Variants in HLA-DRB5 observed in about 807,000 individuals in gnomAD.
HLA-DRB5 encodes the protein major histocompatibility complex, class II, DR beta 5, also known as DR beta-5.
HLA-DRB5 carries 11 observed loss-of-function variants against 22.4 expected under a neutral mutation model. The observed-to-expected ratio is 0.49, with a 90% CI of 0.31 to 0.81. The LOEUF (loss-of-function observed/expected upper bound fraction) is 0.81. HLA-DRB5 is among the 40% of genes least tolerant of loss of function. The pLI is 0.05. For synonymous variants in HLA-DRB5, 57 were observed against 106.0 expected, an observed-to-expected ratio of 0.54 and a Z score of 2.84; for missense variants, 106 against 274.4, an observed-to-expected ratio of 0.39 and a Z score of 4.34.
intron 1 of HLA-DRB5, among the ~76,000 whole-genome samples, chr6:32,529,237 A>T (rs879554263): frequency 9.2e-6 from 1 of 108,874 alleles, no homozygotes; most frequent in Non-Finnish European, 1.9e-5. Context: ...CAGAGTATAT[A>T]GTTTTAACCT....
At chr6:32,523,892 T>TC (rs1192758390) in intron 1 of HLA-DRB5, among the ~76,000 whole-genome samples, 1 of 125,336 alleles carries the variant, frequency 8.0e-6, no homozygotes, top group Non-Finnish European at 1.7e-5. Context: ...TCCAGATAAT[T>TC]CTTTGTTGGT....
chr6:32,528,230 C>G (rs1008014728), intron 1 of HLA-DRB5, among the ~76,000 whole-genome samples: 25,655 of 88,850 alleles, frequency 0.29, 878 homozygotes, highest in Admixed American at 0.34. Context: ...CTCTCTTTTC[C>G]ACAAACCTGA....
At chr6:32,527,050 T>G (rs1255433986) in intron 1 of HLA-DRB5, among the ~76,000 whole-genome samples, 578 of 19,604 alleles carry the variant, frequency 0.029, 49 homozygotes, top group Middle Eastern at 0.071. Flanking sequence ...ATTAACAAGG[T>G]AAGCAAAATC....
chr6:32,524,485 T>C (rs73726198), intron 1 of HLA-DRB5, among the ~76,000 whole-genome samples: 39,276 of 75,344 alleles, frequency 0.52, 12,806 homozygotes, highest in Middle Eastern at 0.7. Context: ...TGGCCAGAGA[T>C]AGAACTCTTG....
intron 2 of HLA-DRB5, among the ~76,000 whole-genome samples, chr6:32,521,306 A>G (rs112428690): frequency 0.012 from 1,201 of 101,822 alleles, no homozygotes; most frequent in East Asian, 0.016. Flanking sequence ...AACAGAAAAA[A>G]TAGCAAGAAA....
intron 1 of HLA-DRB5, among the ~76,000 whole-genome samples, chr6:32,525,602 T>G (rs201104378): frequency 0.79 from 69,993 of 88,966 alleles, 29,604 homozygotes; most frequent in Middle Eastern, 0.86. Flanking sequence ...ATAGAAGAAA[T>G]GGACTTTCTA....
intron 2 of HLA-DRB5, among the ~76,000 whole-genome samples, chr6:32,520,043 C>T (rs796105724): frequency 0.014 from 453 of 31,426 alleles, 12 homozygotes; most frequent in Middle Eastern, 0.068. Flanking sequence ...CTTTCTCACC[C>T]ATAATAGAGG....
chr6:32,523,929 G>A (rs1769273595), intron 1 of HLA-DRB5, among the ~76,000 whole-genome samples: 1 of 123,752 alleles, frequency 8.1e-6, no homozygotes, highest in African/African-American at 2.8e-5. Flanking sequence ...AACATTGTAG[G>A]TTCTCTAGCA....
At chr6:32,528,125 T>C (rs796492013) in intron 1 of HLA-DRB5, among the ~76,000 whole-genome samples, 1,518 of 38,292 alleles carry the variant, frequency 0.04, 38 homozygotes, top group Admixed American at 0.054. Context: ...CCCTTAGATC[T>C]TCACGACTGT....
chr6:32,529,300 A>G (rs1303867274), intron 1 of HLA-DRB5, among the ~76,000 whole-genome samples: 1 of 85,106 alleles, frequency 1.2e-5, no homozygotes, highest in Admixed American at 1.4e-4. Context: ...AGAATTTCAT[A>G]TAATTTGTCC....
rs1364572014 is a variant in HLA-DRB5 at position 32,522,359 on chromosome 6, T to C, written c.101-185A>G. Among the ~76,000 whole-genome samples, 77 of 29,766 alleles carry C rather than the reference T, an allele frequency of 2.6e-3. 1 individual carries two copies. Among genetic ancestry groups the C allele is most frequent in the Admixed American group, 4.6e-3 (10 of 2,190 alleles). The allele number at this position is 29,766 out of a possible 152,430, so 19.5% of individuals were successfully genotyped here. ...GTCTTCCTGAGGCGAACGGGGTGTC[T>C]GGGGGACCAGGCAGGAAAACCCCTT... On this transcript the variant is annotated intron_variant, in intron 1 of 5. Transcript: ENST00000374975.
At chr6:32,526,190 G>A (rs1234998710) in intron 1 of HLA-DRB5, among the ~76,000 whole-genome samples, 21 of 58,688 alleles carry the variant, frequency 3.6e-4, no homozygotes, top group Non-Finnish European at 5.1e-4. Context: ...TCTACTGACT[G>A]CAAATATCAG....
intron 2 of HLA-DRB5, 94 bp downstream of exon 2, chr6:32,521,811 T>TCA (rs771632640): frequency 0.022 from 5,348 of 246,252 alleles, 128 homozygotes; most frequent in Non-Finnish European, 0.029. Context: ...CCTCTCTCTC[T>TCA]CACACACACA....
In HLA-DRB5 at chr6:32,522,227, G is replaced by GGCCCCACCCGCAACCCCGACA. The variant is rs1769027827; in HGVS notation, c.101-54_101-53insTGTCGGGGTTGCGGGTGGGGC. On this transcript the variant is annotated intron_variant, in intron 1 of 5. Transcript: ENST00000374975. ...AGGGGCGGCCTCCGGGGAAGATACT[G>GGCCCCACCCGCAACCCCGACA]ACAGAGACGCCGCCATCCGGGGCTC... is the stretch of plus-strand genomic sequence containing the variant. The GGCCCCACCCGCAACCCCGACA allele has an allele frequency of 1.3e-4, 72 of 564,588 alleles. 2 individuals carry two copies. The highest frequency in any genetic ancestry group is 3.3e-4 in the Admixed American group (6 of 18,398). 35.0% of individuals were successfully genotyped at this position (564,588 alleles called of 1,614,324 possible). A position where few individuals can be genotyped will look rare whatever the true frequency, so the allele number is the denominator to read the frequency against.
intron 1 of HLA-DRB5, among the ~76,000 whole-genome samples, chr6:32,523,818 A>AGGCCGGGCGCGGT (rs1297317675): frequency 8.5e-6 from 1 of 118,146 alleles, no homozygotes; most frequent in Non-Finnish European, 1.8e-5. Flanking sequence ...ATGTGAGTCT[A>AGGCCGGGCGCGGT]GAATTTTCAG....
In HLA-DRB5 at chr6:32,517,810, C is replaced by G. The variant is rs796127312; in HGVS notation, c.788-58G>C. ...CCTGGTTCCACTAACAGCTTCTTTT[C>G]CTCTCTTTCAAGGACTCAGATGAGA... is the stretch of plus-strand genomic sequence containing the variant. On this transcript the variant is annotated intron_variant, in intron 5 of 5. Coordinates refer to ENST00000374975, the MANE Select transcript of HLA-DRB5 (RefSeq NM_002125.4). 2,124 of 449,038 alleles carry G rather than the reference C, an allele frequency of 4.7e-3. 76 individuals are homozygous for G. Among genetic ancestry groups the G allele is most frequent in the Admixed American group, 0.014 (191 of 14,098 alleles). 27.8% of individuals were successfully genotyped at this position (449,038 alleles called of 1,614,324 possible). A position where few individuals can be genotyped will look rare whatever the true frequency, so the allele number is the denominator to read the frequency against.
intron 1 of HLA-DRB5, among the ~76,000 whole-genome samples, chr6:32,524,168 T>C (rs142408103): frequency 0.023 from 1,967 of 87,376 alleles, 108 homozygotes; most frequent in East Asian, 0.033. Context: ...TATCTGTGAA[T>C]ATCTTGGTCC....
rs1439981911 is a variant in HLA-DRB5 at position 32,520,076 on chromosome 6, T to TG, written c.371-426dup. Among the ~76,000 whole-genome samples the TG allele has an allele frequency of 4.9e-5, 2 of 41,036 alleles. 1 individual carries two copies. The highest frequency in any genetic ancestry group is 1.8e-4 in the African/African-American group (2 of 11,000). 26.9% of individuals were successfully genotyped at this position (41,036 alleles called of 152,430 possible). Reference sequence around the variant, plus strand: ...AGGATAATTATAGTAATTTACCTCTTGGGGTTATATGAGGATTAATGCACA... The same window carrying TG: ...AGGATAATTATAGTAATTTACCTCTTGGGGGTTATATGAGGATTAATGCACA... On this transcript the variant is annotated intron_variant, in intron 2 of 5. Coordinates refer to ENST00000374975, the MANE Select transcript of HLA-DRB5 (RefSeq NM_002125.4).
Position 32,522,187 on chromosome 6 carries a change from G to C in HLA-DRB5, c.101-13C>G, listed in dbSNP as rs199694873. The C allele has an allele frequency of 1.8e-5, 14 of 769,708 alleles. 1 individual carries two copies. In the African/African-American group the frequency reaches 2.4e-4, roughly 13 times the overall value. The allele number at this position is 769,708 out of a possible 1,614,324, so 47.7% of individuals were successfully genotyped here. On this transcript the variant is annotated splice_polypyrimidine_tract_variant and intron_variant, in intron 1 of 5. Transcript: ENST00000374975. ...TGCAAGAAACGTGCTGTGGGGACAC[G>C]AAGGATCCGGTCACAGGGGCGGCCT...
Sources: gnomAD v4.1 joint callset for allele counts (sites outside exome capture counted in the v4.1 genomes callset) on GRCh38, gnomAD v4.1.1 for gene constraint, MANE v1.5 for transcripts, NCBI Gene and HGNC (gene_info 2026-07-23, HGNC 2026-07-21) for gene names.